MEIS2: variants seen among roughly 807,000 people sequenced by gnomAD.
The protein encoded by MEIS2 is Meis homeobox 2.
MEIS2 carries 9 observed loss-of-function variants against 58.6 expected under a neutral mutation model. That is an observed-to-expected ratio of 0.15 (90% CI 0.09 to 0.27). The LOEUF (loss-of-function observed/expected upper bound fraction) is 0.27, where lower values mean the gene tolerates loss of function less well. MEIS2 is among the 10% of genes least tolerant of loss of function. MEIS2 has a pLI of 1.00. For missense variants in MEIS2, 427 were observed against 635.0 expected (o/e 0.67, Z 3.52); for synonymous variants, 221 against 228.4 (o/e 0.97, Z 0.29).
At chr15:36,938,657 G>A (rs1385880501) in intron 9 of MEIS2, among the ~76,000 whole-genome samples, 2 of 152,148 alleles carry the variant, frequency 1.3e-5, no homozygotes, top group African/African-American at 4.8e-5. Flanking sequence ...AAATACAATG[G>A]TTAAAATCGT....
At chr15:37,039,140 T>C (rs2062298699) in intron 7 of MEIS2, among the ~76,000 whole-genome samples, 1 of 152,120 alleles carries the variant, frequency 6.6e-6, no homozygotes, top group Non-Finnish European at 1.5e-5. Context: ...GGAAAAAAAA[T>C]CCACACTGCA....
intron 8 of MEIS2, among the ~76,000 whole-genome samples, chr15:37,024,837 T>G (rs1475589488): frequency 6.6e-6 from 1 of 152,152 alleles, no homozygotes; most frequent in Admixed American, 6.6e-5. Context: ...CAGTTAATTC[T>G]CAGGATGAAG....
chr15:37,068,621 A>G (rs1400926662), intron 7 of MEIS2, among the ~76,000 whole-genome samples: 2 of 152,236 alleles, frequency 1.3e-5, no homozygotes, highest in Non-Finnish European at 2.9e-5. Flanking sequence ...GTGGCCCTCC[A>G]TAATCAAGAT....
chr15:37,085,100 T>G (rs1337994355), intron 6 of MEIS2, among the ~76,000 whole-genome samples: 2 of 152,074 alleles, frequency 1.3e-5, no homozygotes, highest in African/African-American at 4.8e-5. Flanking sequence ...TTTTACAAAG[T>G]ATACACCAAT....
intron 8 of MEIS2, among the ~76,000 whole-genome samples, chr15:36,971,407 A>G (rs2059552123): frequency 6.6e-6 from 1 of 151,844 alleles, no homozygotes; most frequent in Admixed American, 6.6e-5. Flanking sequence ...CAAAAATTAG[A>G]TTGCCTATAT....
intron 8 of MEIS2, among the ~76,000 whole-genome samples, chr15:36,956,021 C>CAA (rs757524401): frequency 0.1 from 4,847 of 46,604 alleles, 333 homozygotes; most frequent in East Asian, 0.21. Flanking sequence ...ACTAAAAATA[C>CAA]AAAAAAAAAA....
intron 9 of MEIS2, among the ~76,000 whole-genome samples, chr15:36,929,312 A>C (rs143843574): frequency 1.3e-5 from 2 of 152,360 alleles, no homozygotes; most frequent in East Asian, 3.9e-4. Flanking sequence ...GCTCCCTTCC[A>C]AAGACCAATA....
chr15:37,036,672 A>T, intron 8 of MEIS2, 142 bp downstream of exon 8: 1 of 917,098 alleles, frequency 1.1e-6, no homozygotes, highest in Non-Finnish European at 1.6e-6. Context: ...TGAAAAAAAA[A>T]ACTTTAACTA....
At chr15:36,984,697 C>A (rs1477731700) in intron 8 of MEIS2, among the ~76,000 whole-genome samples, 1 of 152,156 alleles carries the variant, frequency 6.6e-6, no homozygotes, top group Non-Finnish European at 1.5e-5. Context: ...TACTAGAATT[C>A]ACCAGTGAAG....
chr15:36,935,593 G>A (rs1175244119), intron 9 of MEIS2, among the ~76,000 whole-genome samples: 2 of 152,100 alleles, frequency 1.3e-5, no homozygotes, highest in Admixed American at 6.5e-5. Context: ...ACGTAGAAAA[G>A]AAGCTCATCA....
intron 9 of MEIS2, among the ~76,000 whole-genome samples, chr15:36,923,024 CA>C (rs2057584698): frequency 2.0e-5 from 3 of 152,168 alleles, no homozygotes; most frequent in South Asian, 4.1e-4. Flanking sequence ...TGGAAACAAA[CA>C]AAAAAATCTT....
At chr15:36,993,320 A>AT (rs2141563533) in intron 8 of MEIS2, among the ~76,000 whole-genome samples, 1 of 152,274 alleles carries the variant, frequency 6.6e-6, no homozygotes, top group African/African-American at 2.4e-5. Context: ...CTGTACTTTC[A>AT]TTTAAAAAAA....
At chr15:36,960,015 G>GA (rs143860666) in intron 8 of MEIS2, among the ~76,000 whole-genome samples, 3 of 151,218 alleles carry the variant, frequency 2.0e-5, no homozygotes, top group East Asian at 3.9e-4. Flanking sequence ...TTAGTAACAG[G>GA]AAAAAAAAGT....
At chr15:36,902,376 G>A (rs370536489) in intron 9 of MEIS2, among the ~76,000 whole-genome samples, 5 of 152,214 alleles carry the variant, frequency 3.3e-5, no homozygotes, top group African/African-American at 1.2e-4. Flanking sequence ...TGCTATGGTG[G>A]AGATTTTAGA....
chr15:37,003,807 G>A (rs2060822062), intron 8 of MEIS2, among the ~76,000 whole-genome samples: 1 of 152,032 alleles, frequency 6.6e-6, no homozygotes, highest in Admixed American at 6.6e-5. Flanking sequence ...CTCACAAATG[G>A]GATTAGTGCC....
At chr15:36,997,679 C>T (rs560104075) in intron 8 of MEIS2, among the ~76,000 whole-genome samples, 11 of 152,078 alleles carry the variant, frequency 7.2e-5, no homozygotes, top group African/African-American at 2.7e-4. Context: ...GACGGGGTTT[C>T]GCCGTGTTAG....
At chr15:37,061,997 T>C (rs1216343638) in intron 7 of MEIS2, among the ~76,000 whole-genome samples, 1 of 152,242 alleles carries the variant, frequency 6.6e-6, no homozygotes, top group Non-Finnish European at 1.5e-5. Context: ...GGGGAAATTA[T>C]AGCTAGACCA....
intron 9 of MEIS2, among the ~76,000 whole-genome samples, chr15:36,922,241 G>T (rs1042590944): frequency 2.7e-4 from 41 of 152,274 alleles, no homozygotes; most frequent in African/African-American, 9.4e-4. Context: ...AAGCCTGGAA[G>T]AGTCTGTGAT....
chr15:37,033,657 T>G (rs1050092428), intron 8 of MEIS2, among the ~76,000 whole-genome samples: 1 of 152,228 alleles, frequency 6.6e-6, no homozygotes, highest in African/African-American at 2.4e-5. Context: ...AGCCAACATT[T>G]CACTTTGAAA....
Sources: gnomAD v4.1 joint callset for allele counts (sites outside exome capture counted in the v4.1 genomes callset) on GRCh38, gnomAD v4.1.1 for gene constraint, MANE v1.5 for transcripts, NCBI Gene and HGNC (gene_info 2026-07-23, HGNC 2026-07-21) for gene names.